GRM7: variants seen among roughly 807,000 people sequenced by gnomAD.
GRM7 encodes the protein metabotropic glutamate receptor 7.
Under a neutral mutation model 84.5 loss-of-function variants are expected in GRM7, and 35 were observed. The observed-to-expected ratio is 0.41, with a 90% CI of 0.32 to 0.55. The LOEUF (loss-of-function observed/expected upper bound fraction) is 0.55. Ranked by LOEUF, GRM7 falls within the 20% of genes least tolerant of loss-of-function variation. The probability of loss-of-function intolerance (pLI) is 0.19; values close to 1 mark genes in which losing one functional copy is unlikely to be tolerated. For missense variants in GRM7, 1,003 were observed against 1,194.6 expected (o/e 0.84, Z 2.36); for synonymous variants, 487 against 455.1 (o/e 1.07, Z -0.89).
At chr3:7,396,424 C>T (rs913462210) in intron 4 of GRM7, among the ~76,000 whole-genome samples, 9 of 152,128 alleles carry the variant, frequency 5.9e-5, no homozygotes, top group African/African-American at 2.2e-4. Flanking sequence ...AAAAAGACAT[C>T]TGTTAAATCC....
chr3:7,662,564 G>C (rs1226259348), intron 8 of GRM7, among the ~76,000 whole-genome samples: 1 of 152,180 alleles, frequency 6.6e-6, no homozygotes, highest in Non-Finnish European at 1.5e-5. Context: ...TATGTTAGAT[G>C]ATAGAAATTA....
intron 9 of GRM7, among the ~76,000 whole-genome samples, chr3:7,734,451 T>C (rs2106529304): frequency 6.6e-6 from 1 of 152,352 alleles, no homozygotes; most frequent in East Asian, 1.9e-4. Flanking sequence ...CATGTCTGCT[T>C]TCAATGTTAG....
At chr3:7,682,147 C>G (rs1429054733) in intron 9 of GRM7, 1 of 151,908 alleles carries the variant, frequency 6.6e-6, no homozygotes, top group Non-Finnish European at 1.5e-5. Context: ...ACCAGCCTGA[C>G]CAACATGGAG....
intron 1 of GRM7, among the ~76,000 whole-genome samples, chr3:6,929,868 C>A (rs1341023887): frequency 1.3e-5 from 2 of 152,044 alleles, no homozygotes; most frequent in East Asian, 3.9e-4. Context: ...GAGTATATGC[C>A]CTGCCATGGA....
chr3:7,197,699 G>GTT (rs5846495), intron 2 of GRM7, among the ~76,000 whole-genome samples: 1 of 147,254 alleles, frequency 6.8e-6, no homozygotes, highest in Non-Finnish European at 1.5e-5. Context: ...TTTACGACAA[G>GTT]TTTTTTTTTT....
intron 2 of GRM7, among the ~76,000 whole-genome samples, chr3:7,276,789 T>C (rs7625395): frequency 0.13 from 441 of 3,446 alleles, 25 homozygotes; most frequent in South Asian, 0.17. Flanking sequence ...CTTCCTTCCT[T>C]CCTTCCTTCC....
At chr3:7,124,325 C>G (rs373047953) in intron 1 of GRM7, among the ~76,000 whole-genome samples, 5 of 152,108 alleles carry the variant, frequency 3.3e-5, no homozygotes, top group Admixed American at 6.5e-5. Context: ...GTCCTTTTAT[C>G]TCACAGAGTA....
intron 4 of GRM7, among the ~76,000 whole-genome samples, chr3:7,383,139 A>G (rs1286112724): frequency 6.6e-6 from 1 of 152,228 alleles, no homozygotes; most frequent in Admixed American, 6.5e-5. Flanking sequence ...TTGATCCTGC[A>G]GGAAATATCG....
chr3:7,686,373 A>G, intron 9 of GRM7: 2 of 1,469,522 alleles, frequency 1.4e-6, no homozygotes, highest in Non-Finnish European at 1.9e-6. Flanking sequence ...TACCACCAGT[A>G]AGAAAGAGTG....
intron 2 of GRM7, among the ~76,000 whole-genome samples, chr3:7,289,663 G>A (rs1260326073): frequency 1.3e-5 from 2 of 152,122 alleles, no homozygotes; most frequent in East Asian, 3.8e-4. Flanking sequence ...ATACACCATG[G>A]AATACTATGC....
chr3:6,951,047 C>T (rs564814049), intron 1 of GRM7, among the ~76,000 whole-genome samples: 44 of 152,268 alleles, frequency 2.9e-4, no homozygotes, highest in Admixed American at 6.5e-4. Context: ...ACGCACAGTG[C>T]GCTGCACCCA....
At chr3:6,903,833 A>G (rs1402850259) in intron 1 of GRM7, among the ~76,000 whole-genome samples, 1 of 152,174 alleles carries the variant, frequency 6.6e-6, no homozygotes, top group African/African-American at 2.4e-5. Context: ...AGAAATTCAC[A>G]TGTAATTTTT....
At chr3:7,672,251 A>G (rs1024504064) in intron 8 of GRM7, among the ~76,000 whole-genome samples, 1 of 152,186 alleles carries the variant, frequency 6.6e-6, no homozygotes, top group Non-Finnish European at 1.5e-5. Context: ...CATTTACTTC[A>G]CAAATATGTG....
chr3:7,519,217 C>T (rs1700500953), intron 7 of GRM7, among the ~76,000 whole-genome samples: 1 of 152,076 alleles, frequency 6.6e-6, no homozygotes, highest in African/African-American at 2.4e-5. Context: ...ACTTAGCTAG[C>T]CAGGTGTAGT....
At chr3:7,320,949 TGAA>T (rs1700756408) in intron 4 of GRM7, among the ~76,000 whole-genome samples, 1 of 151,958 alleles carries the variant, frequency 6.6e-6, no homozygotes, top group Admixed American at 6.6e-5. Flanking sequence ...CCTGTCTTTT[TGAA>T]GAAGATGTCT....
chr3:7,018,195 C>T (rs749166410), intron 1 of GRM7, among the ~76,000 whole-genome samples: 4 of 152,146 alleles, frequency 2.6e-5, no homozygotes, highest in Admixed American at 6.5e-5. Context: ...TTAAGAAGTA[C>T]TGTATTTACA....
chr3:7,557,353 A>C (rs980009594), intron 7 of GRM7, among the ~76,000 whole-genome samples: 4 of 152,224 alleles, frequency 2.6e-5, no homozygotes, highest in African/African-American at 9.6e-5. Flanking sequence ...TAAATGGCAC[A>C]TGGAGATATT....
In GRM7 at chr3:7,452,651, A is replaced by G. The variant is rs144288627; in HGVS notation, c.1219A>G (p.Lys407Glu). 5 of 1,613,352 alleles carry G rather than the reference A, an allele frequency of 3.1e-6. No homozygotes were observed. Among genetic ancestry groups the G allele is most frequent in the African/African-American group, 1.3e-5 (1 of 74,906 alleles). Residue 407 changes from lysine (K) to glutamate (E), a missense_variant, in exon 6 of 10, where the codon AAA (lysine) becomes GAA (glutamate). Physicochemically the swap from Lys to Glu is moderately conservative, Grantham distance 56 (BLOSUM62 1). Around this residue, in one of 2 missense-constraint regions of GRM7, gnomAD observed 910 missense variants for 1,126.0 expected, o/e 0.81. Coordinates refer to ENST00000357716, the MANE Select transcript of GRM7 (RefSeq NM_000844.4). Reference sequence around the variant, plus strand: ...AGATTCCAACTATGAGCAGGAGGGTAAAGTCCAGTTCGTGATTGACGCAGT... The same window carrying G: ...AGATTCCAACTATGAGCAGGAGGGTGAAGTCCAGTTCGTGATTGACGCAGT... ...GKDSNYEQEG[K>E]VQFVIDAVYA...
At chr3:7,127,663 A>G (rs1433852976) in intron 1 of GRM7, among the ~76,000 whole-genome samples, 1 of 152,188 alleles carries the variant, frequency 6.6e-6, no homozygotes, top group Non-Finnish European at 1.5e-5. Context: ...GTAGTTAGTA[A>G]TGTGTGGAGT....
Sources: gnomAD v4.1 joint callset for allele counts (sites outside exome capture counted in the v4.1 genomes callset) on GRCh38, gnomAD v4.1.1 for gene constraint, gnomAD v4.1.1 regional missense constraint, MANE v1.5 for transcripts, NCBI Gene and HGNC (gene_info 2026-07-23, HGNC 2026-07-21) for gene names.